The following MPDZ variants were observed in gnomAD, a reference collection of about 807,000 sequenced individuals.
The protein encoded by MPDZ is multiple PDZ domain protein.
In MPDZ, 234 loss-of-function variants were observed where a neutral mutation model predicts 239.1. The ratio of observed to expected loss-of-function variants is 0.98; its 90% CI spans 0.88 to 1.09. The LOEUF is 1.09. MPDZ is among the 50% of genes least tolerant of loss of function. The probability of loss-of-function intolerance (pLI) is 0.00; values close to 1 mark genes in which losing one functional copy is unlikely to be tolerated. For synonymous variants in MPDZ, 1,048 were observed against 881.3 expected, an observed-to-expected ratio of 1.19 and a Z score of -3.35; for missense variants, 3,175 against 2,510.0, an observed-to-expected ratio of 1.26 and a Z score of -5.66.
At chr9:13,115,401 A>G (rs1943244597) in intron 39 of MPDZ, 67 bp from the exon 40 acceptor site, 1 of 1,330,762 alleles carries the variant, frequency 7.5e-7, no homozygotes, top group Admixed American at 1.8e-5. Context: ...ATCTTTAGGA[A>G]TACATTTTAC....
chr9:13,256,371 T>A (rs1002964508), intron 1 of MPDZ, among the ~76,000 whole-genome samples: 5 of 152,334 alleles, frequency 3.3e-5, no homozygotes, highest in African/African-American at 1.2e-4. Flanking sequence ...CAAGACCTTT[T>A]CCTTTGCATT....
intron 10 of MPDZ, among the ~76,000 whole-genome samples, chr9:13,207,791 C>A (rs575849691): frequency 5.5e-4 from 84 of 152,258 alleles, no homozygotes; most frequent in African/African-American, 2.0e-3. Flanking sequence ...GCTGTCCATA[C>A]TATAGATATT....
At chr9:13,168,044 C>T (rs1430016601) in intron 22 of MPDZ, among the ~76,000 whole-genome samples, 1 of 152,100 alleles carries the variant, frequency 6.6e-6, no homozygotes, top group Admixed American at 6.6e-5. Context: ...ATCCAAACAT[C>T]TTTCCAAGAT....
At chr9:13,207,665 T>A (rs954448365) in intron 10 of MPDZ, among the ~76,000 whole-genome samples, 1 of 152,204 alleles carries the variant, frequency 6.6e-6, no homozygotes. Flanking sequence ...TTCTTCCTCA[T>A]AGCATTTTTC....
intron 23 of MPDZ, 83 bp from the exon 24 acceptor site, chr9:13,158,193 TA>T: frequency 9.6e-7 from 1 of 1,042,584 alleles, no homozygotes; most frequent in Non-Finnish European, 1.4e-6. Flanking sequence ...TTGATTTAGC[TA>T]AAAATGCAGG....
At chr9:13,221,629 A>C (rs11790910) in intron 6 of MPDZ, 129 bp from the exon 7 acceptor site, 63,002 of 909,948 alleles carry the variant, frequency 0.069, 2,661 homozygotes, top group Non-Finnish European at 0.081. Context: ...AATGAGTCCT[A>C]ACAATGTCCC....
intron 10 of MPDZ, among the ~76,000 whole-genome samples, chr9:13,212,772 A>C (rs1476669343): frequency 1.3e-5 from 2 of 149,406 alleles, no homozygotes; most frequent in Non-Finnish European, 3.0e-5. Flanking sequence ...CAGGAGTTCA[A>C]GACCACCTGG....
In MPDZ at chr9:13,246,517, A is replaced by C. The variant is rs982460151; in HGVS notation, c.183+1118T>G. On this transcript the variant is annotated intron_variant, in intron 3 of 46. Coordinates refer to ENST00000319217, the MANE Select transcript of MPDZ (RefSeq NM_001378778.1). ...ACAAACACAACTACATATAACAACA[A>C]CACCTTAAATTCATGATCACGACTT... Among the ~76,000 whole-genome samples, 11 of 152,314 alleles carry C rather than the reference A, an allele frequency of 7.2e-5. 1 individual carries two copies. Among genetic ancestry groups the C allele is most frequent in the East Asian group, 3.9e-4 (2 of 5,184 alleles).
intron 1 of MPDZ, among the ~76,000 whole-genome samples, chr9:13,255,002 C>T (rs1969077161): frequency 6.6e-6 from 1 of 152,162 alleles, no homozygotes; most frequent in African/African-American, 2.4e-5. Flanking sequence ...GCATGTGATG[C>T]TGTTTGACAG....
intron 12 of MPDZ, among the ~76,000 whole-genome samples, chr9:13,198,365 A>G (rs912524535): frequency 6.6e-6 from 1 of 152,054 alleles, no homozygotes; most frequent in Non-Finnish European, 1.5e-5. Flanking sequence ...ACATTTTTTC[A>G]TATACCTATT....
chr9:13,158,146 C>A (rs745812662), intron 23 of MPDZ, 36 bp from the exon 24 acceptor site: 1 of 1,548,206 alleles, frequency 6.5e-7, no homozygotes, highest in Non-Finnish European at 8.9e-7. Flanking sequence ...ACCCCAAAAT[C>A]CTAGTAAAAA....
intron 12 of MPDZ, among the ~76,000 whole-genome samples, chr9:13,196,552 C>T (rs1379573755): frequency 6.6e-6 from 1 of 151,984 alleles, no homozygotes; most frequent in Admixed American, 6.6e-5. Flanking sequence ...TCTGGTAATG[C>T]TACAGTAAAA....
intron 1 of MPDZ, among the ~76,000 whole-genome samples, chr9:13,278,735 G>T (rs1974830947): frequency 6.6e-6 from 1 of 152,078 alleles, no homozygotes; most frequent in Non-Finnish European, 1.5e-5. Flanking sequence ...CGGTGCCAGG[G>T]GTGAGGGACG....
At chr9:13,264,528 G>T (rs1207338615) in intron 1 of MPDZ, among the ~76,000 whole-genome samples, 5 of 152,042 alleles carry the variant, frequency 3.3e-5, no homozygotes, top group Non-Finnish European at 7.4e-5. Context: ...CAGAACCCTG[G>T]ACTGCTGGAC....
chr9:13,217,097 G>T, intron 9 of MPDZ, 83 bp downstream of exon 9: 1 of 1,006,452 alleles, frequency 9.9e-7, no homozygotes, highest in Non-Finnish European at 1.5e-6. Context: ...CCTGAAACAT[G>T]TAATATCAAC....
intron 21 of MPDZ, among the ~76,000 whole-genome samples, chr9:13,173,865 G>C (rs1000162909): frequency 6.6e-6 from 1 of 152,038 alleles, no homozygotes; most frequent in African/African-American, 2.4e-5. Context: ...TCTACCCTTA[G>C]CTCCCGCTGC....
intron 3 of MPDZ, among the ~76,000 whole-genome samples, chr9:13,234,184 CTTCTT>C (rs1270803484): frequency 6.6e-6 from 1 of 152,052 alleles, no homozygotes; most frequent in East Asian, 1.9e-4. Context: ...ATTACTTATA[CTTCTT>C]TTCAATAATA....
At chr9:13,144,138 A>T (rs533266546) in intron 26 of MPDZ, among the ~76,000 whole-genome samples, 1 of 152,174 alleles carries the variant, frequency 6.6e-6, no homozygotes, top group Admixed American at 6.6e-5. Context: ...GTAATTTATT[A>T]AAAAATGAAC....
At chr9:13,195,127 A>G (rs1228545653) in intron 13 of MPDZ, among the ~76,000 whole-genome samples, 1 of 152,114 alleles carries the variant, frequency 6.6e-6, no homozygotes, top group Non-Finnish European at 1.5e-5. Context: ...GTCTCTACAA[A>G]AAATACAAAA....
Sources: gnomAD v4.1 joint callset for allele counts (sites outside exome capture counted in the v4.1 genomes callset) on GRCh38, gnomAD v4.1.1 for gene constraint, MANE v1.5 for transcripts, NCBI Gene and HGNC (gene_info 2026-07-23, HGNC 2026-07-21) for gene names.